The following IFT122 variants were observed in gnomAD, a reference collection of about 807,000 sequenced individuals.
The protein encoded by IFT122 is intraflagellar transport 122.
Under a neutral mutation model 161.6 loss-of-function variants are expected in IFT122, and 118 were observed. The observed-to-expected ratio is 0.73, with a 90% CI of 0.63 to 0.85. The LOEUF is 0.85. Among genes scored for constraint, IFT122 ranks in the 40% least tolerant of loss-of-function variants. IFT122 has a pLI of 0.00. For synonymous variants in IFT122, 550 were observed against 602.4 expected (o/e 0.91, Z 1.27); for missense variants, 1,381 against 1,579.6 (o/e 0.87, Z 2.13).
At chr3:129,480,028 TTC>T in intron 13 of IFT122, 106 bp downstream of exon 13, 1 of 1,377,040 alleles carries the variant, frequency 7.3e-7, no homozygotes, top group Non-Finnish European at 1.0e-6. Flanking sequence ...GGAAAAGGGC[TTC>T]TCTCCTCCAT....
At chr3:129,476,291 T>C in intron 9 of IFT122, 24 bp from the exon 10 acceptor site, 1 of 1,613,882 alleles carries the variant, frequency 6.2e-7, no homozygotes, top group East Asian at 2.2e-5. Flanking sequence ...GGTTTTTCCC[T>C]TGCTGTGTGT....
chr3:129,455,280 C>A (rs1559852501), intron 3 of IFT122, among the ~76,000 whole-genome samples: 1 of 151,860 alleles, frequency 6.6e-6, no homozygotes, highest in Non-Finnish European at 1.5e-5. Flanking sequence ...TCAAGTGATT[C>A]TCCTGCCTCA....
chr3:129,483,563 A>C lies in IFT122; in HGVS notation c.1732A>C (p.Ile578Leu). 6.2e-7 allele frequency: 1 copy of C among 1,614,088 alleles called. No homozygotes were observed. The highest frequency in any genetic ancestry group is 8.5e-7 in the Non-Finnish European group (1 of 1,180,020). The change falls in exon 15 of 30, where the codon ATC (isoleucine) becomes CTC (leucine). Residue 578 changes from isoleucine to leucine, a missense_variant. By Grantham distance (5) the Ile-to-Leu change is conservative. Transcript: ENST00000348417. ...CTTCTCGGGAGGAGGCTACCTCAAC[A>C]TCAAAGCCAGCACCTTCCCTGTGCA... ...LCFSGGGYLN[I>L]KASTFPVHRQ...
intron 9 of IFT122, among the ~76,000 whole-genome samples, chr3:129,471,306 A>C (rs2077346440): frequency 6.6e-6 from 1 of 152,256 alleles, no homozygotes. Context: ...AAGGGAGCAG[A>C]TAATGAAGTA....
intron 3 of IFT122, among the ~76,000 whole-genome samples, chr3:129,453,584 C>T (rs916268496): frequency 2.6e-5 from 4 of 152,116 alleles, no homozygotes; most frequent in Admixed American, 6.5e-5. Flanking sequence ...GGTGGTTTTG[C>T]AAGCACATTT....
chr3:129,495,401 G>A (rs752381952), intron 17 of IFT122, 45 bp from the exon 18 acceptor site: 1 of 1,611,038 alleles, frequency 6.2e-7, no homozygotes, highest in Non-Finnish European at 8.5e-7. Context: ...GCTGCTTCCT[G>A]CCCATGGCTG....
chr3:129,500,996 G>A (rs950099817), intron 19 of IFT122, among the ~76,000 whole-genome samples: 1 of 152,100 alleles, frequency 6.6e-6, no homozygotes, highest in African/African-American at 2.4e-5. Context: ...ATCCCAGGGT[G>A]TTGGGGCAGT....
At chr3:129,486,787 C>G (rs1187935505) in intron 15 of IFT122, among the ~76,000 whole-genome samples, 1 of 152,226 alleles carries the variant, frequency 6.6e-6, no homozygotes, top group African/African-American at 2.4e-5. Context: ...CCCATGGTAG[C>G]CTGAGCTGGG....
Position 129,466,063 on chromosome 3 carries a change from C to A in IFT122, c.564-827C>A, listed in dbSNP as rs534899658. On this transcript the variant is annotated intron_variant, in intron 7 of 29. Coordinates refer to ENST00000348417, the MANE Select transcript of IFT122 (RefSeq NM_052989.3). ...ACCTCAGGTTATCCACCCACCTCAG[C>A]CTCCCAAAGTGCTGAGATTACAGGT... Among the ~76,000 whole-genome samples, 10 of 152,128 alleles carry A rather than the reference C, an allele frequency of 6.6e-5. No individual in the cohort carries two copies. The East Asian group carries it at 1.5e-3, about 23-fold the overall frequency.
At chr3:129,476,197 C>T in intron 9 of IFT122, 118 bp from the exon 10 acceptor site, 9 of 1,086,796 alleles carry the variant, frequency 8.3e-6, no homozygotes, top group Non-Finnish European at 1.2e-5. Context: ...AAAGGCTGGC[C>T]AGCTCTCCCT....
chr3:129,453,411 G>A (rs1194321546), intron 3 of IFT122, among the ~76,000 whole-genome samples: 4 of 152,148 alleles, frequency 2.6e-5, no homozygotes, highest in East Asian at 3.9e-4. Flanking sequence ...ATGGGACAGC[G>A]AGTGGACCCA....
intron 23 of IFT122, among the ~76,000 whole-genome samples, chr3:129,509,293 G>A (rs1337942536): frequency 6.6e-6 from 1 of 152,092 alleles, no homozygotes; most frequent in Non-Finnish European, 1.5e-5. Context: ...AACAACCGTA[G>A]AATGGTTGAC....
rs769601983 is a variant in IFT122 at position 129,495,503 on chromosome 3, T to C, written c.2104T>C (p.Tyr702His). ...NDLFLADVFS[Y>H]QGKFHEAAKL... ...CCTGTTTCTGGCAGATGTGTTTTCC[T>C]ACCAGGGGAAGTTCCATGAGGCCGC... The change falls in exon 18 of 30, where the codon TAC (tyrosine) becomes CAC (histidine). Residue 702 changes from tyrosine to histidine, a missense_variant. Coordinates refer to ENST00000348417, the MANE Select transcript of IFT122 (RefSeq NM_052989.3). 11 of 1,614,084 alleles carry C rather than the reference T, an allele frequency of 6.8e-6. No individual in the cohort carries two copies. Among genetic ancestry groups the C allele is most frequent in the Non-Finnish European group, 8.5e-6 (10 of 1,180,050 alleles).
chr3:129,492,217 T>A lies in IFT122; in HGVS notation c.2046+23T>A, dbSNP rs368991270. The stretch of plus-strand genomic sequence containing the variant: ...GAGGTAAAAGATGAAGCATTTTTCC[T>A]TCTCAAGAAGGCATACTTGGGGTTC... On this transcript the variant is annotated intron_variant, in intron 17 of 29. Transcript: ENST00000348417. 2.3e-4 allele frequency: 361 copies of A among 1,596,644 alleles called. 1 individual carries two copies. The highest frequency in any genetic ancestry group is 1.4e-4 in the Non-Finnish European group (164 of 1,164,526).
At chr3:129,516,413 G>A (rs62643908) in intron 26 of IFT122, among the ~76,000 whole-genome samples, 1 of 114,996 alleles carries the variant, frequency 8.7e-6, no homozygotes, top group African/African-American at 3.5e-5. Context: ...TACAGAGACT[G>A]CCCCTGCACA....
intron 9 of IFT122, among the ~76,000 whole-genome samples, chr3:129,472,313 C>T (rs1035298825): frequency 6.6e-6 from 1 of 151,822 alleles, no homozygotes; most frequent in Non-Finnish European, 1.5e-5. Context: ...GCCACCACAT[C>T]CTGCTAATTA....
chr3:129,500,186 C>A, intron 19 of IFT122, 118 bp downstream of exon 19: 2 of 1,223,152 alleles, frequency 1.6e-6, no homozygotes, highest in Non-Finnish European at 1.2e-6. Flanking sequence ...GTGATAGTGG[C>A]TAGGTTCTTC....
At chr3:129,476,163 T>C in intron 9 of IFT122, 152 bp from the exon 10 acceptor site, 1 of 794,816 alleles carries the variant, frequency 1.3e-6, no homozygotes, top group South Asian at 1.5e-5. Flanking sequence ...GAGGCCTGTG[T>C]TCACCATGGG....
At chr3:129,479,734 G>A (rs1345509707) in intron 12 of IFT122, 51 bp from the exon 13 acceptor site, 2 of 1,611,512 alleles carry the variant, frequency 1.2e-6, no homozygotes, top group Admixed American at 1.7e-5. Context: ...GGGGAGGTCT[G>A]GGGGCACTTA....
Sources: allele counts gnomAD v4.1 joint callset (sites outside exome capture counted in the v4.1 genomes callset), GRCh38; gene constraint gnomAD v4.1.1; transcripts MANE v1.5; gene names NCBI Gene and HGNC (gene_info 2026-07-23, HGNC 2026-07-21).